Variants in AMBRA1 observed in about 807,000 individuals in gnomAD.
AMBRA1 encodes the protein autophagy and beclin 1 regulator 1, also known as activating molecule in BECN1-regulated autophagy protein 1.
A neutral mutation model predicts 125.4 loss-of-function variants in AMBRA1; 47 were observed. The observed-to-expected ratio is 0.37, with a 90% CI of 0.30 to 0.48. The LOEUF is 0.48. Ranked by LOEUF, AMBRA1 falls within the 20% of genes least tolerant of loss-of-function variation. AMBRA1 has a pLI of 0.99. For synonymous variants in AMBRA1, 626 were observed against 655.5 expected (o/e 0.95, Z 0.69); for missense variants, 1,331 against 1,693.4 (o/e 0.79, Z 3.76).
intron 1 of AMBRA1, among the ~76,000 whole-genome samples, chr11:46,567,264 G>A (rs1432147200): frequency 6.6e-6 from 1 of 152,136 alleles, no homozygotes. Context: ...TAGAAACGTG[G>A]TTTCACCATT....
rs1321007716 is a variant in AMBRA1, at chr11:46,448,679, A to G, written c.2522-5081T>C. 2.6e-5 allele frequency among the ~76,000 whole-genome samples: 4 copies of G among 152,292 alleles called. No homozygotes were observed. The East Asian group carries it at 7.7e-4, about 29-fold the overall frequency. ...TAAAACCAAAAACTTTGAAAGATCA[A>G]TAAACAATAAACATCTAGGTAGGCC... is the stretch of plus-strand genomic sequence containing the variant. On this transcript the variant is annotated intron_variant, in intron 11 of 17. Transcript: ENST00000683756.
At chr11:46,447,708 GTAGATAGA>G (rs59044666) in intron 11 of AMBRA1, among the ~76,000 whole-genome samples, 21,064 of 138,408 alleles carry the variant, frequency 0.15, 2,089 homozygotes, top group African/African-American at 0.26. Flanking sequence ...AGACCATCTT[GTAGATAGA>G]TAGATAGATA....
intron 1 of AMBRA1, among the ~76,000 whole-genome samples, chr11:46,584,430 G>A (rs1457168606): frequency 2.7e-5 from 4 of 148,936 alleles, no homozygotes; most frequent in Non-Finnish European, 3.0e-5. Flanking sequence ...GCTAAATGAC[G>A]AGTTAGTGGG....
At chr11:46,478,895 C>T (rs1949941058) in intron 11 of AMBRA1, among the ~76,000 whole-genome samples, 1 of 152,034 alleles carries the variant, frequency 6.6e-6, no homozygotes, top group Admixed American at 6.6e-5. Context: ...TATGTAAGGA[C>T]ACTTTTAAAA....
Position 46,424,751 on chromosome 11 carries a change from G to T in AMBRA1, c.2977-6699C>A, listed in dbSNP as rs557025149. 9.2e-5 allele frequency among the ~76,000 whole-genome samples: 14 copies of T among 152,060 alleles called. No individual in the cohort carries two copies. The South Asian group carries it at 2.7e-3, about 29-fold the overall frequency. Reference sequence around the variant, plus strand: ...GCTACTTGGGAGGCTGAGGTGGGAGGATTGCTTGAGCCCAGTTATTAAAAT... The same window carrying T: ...GCTACTTGGGAGGCTGAGGTGGGAGTATTGCTTGAGCCCAGTTATTAAAAT... On this transcript the variant is annotated intron_variant, in intron 14 of 17. Transcript: ENST00000683756.
chr11:46,499,747 C>T (rs1433060826), intron 9 of AMBRA1, among the ~76,000 whole-genome samples: 1 of 152,056 alleles, frequency 6.6e-6, no homozygotes. Flanking sequence ...ACCTCCGCCT[C>T]CTGTGTTCAA....
intron 15 of AMBRA1, among the ~76,000 whole-genome samples, chr11:46,410,883 A>T (rs1301913800): frequency 1.3e-5 from 2 of 152,224 alleles, no homozygotes; most frequent in Non-Finnish European, 2.9e-5. Flanking sequence ...CGGGCAGATC[A>T]CAAGGTCACA....
intron 17 of AMBRA1, among the ~76,000 whole-genome samples, chr11:46,404,027 C>T (rs879309182): frequency 3.3e-5 from 5 of 152,224 alleles, no homozygotes; most frequent in Middle Eastern, 6.8e-3. Context: ...TGGTGAAACC[C>T]TGTCTCTACA....
chr11:46,550,118 CGACACTA>C lies in AMBRA1; in HGVS notation c.-120-1625_-120-1619del, dbSNP rs2042947268. On this transcript the variant is annotated intron_variant, in intron 1 of 17. Coordinates refer to ENST00000683756, the MANE Select transcript of AMBRA1 (RefSeq NM_001387011.1). ...ACAGGTGTGAGCTACTGCACCCAGC[CGACACTA>C]GCTTTTCTAAAAGATCAGGAGAGTT... 2.0e-5 allele frequency among the ~76,000 whole-genome samples: 3 copies of C among 152,244 alleles called. No homozygotes were observed. The South Asian group carries it at 6.2e-4, about 32-fold the overall frequency.
intron 11 of AMBRA1, among the ~76,000 whole-genome samples, chr11:46,454,229 G>T (rs1289807161): frequency 6.6e-6 from 1 of 151,750 alleles, no homozygotes; most frequent in Non-Finnish European, 1.5e-5. Flanking sequence ...GGGTCTTGCT[G>T]TGTTGCCCTA....
In AMBRA1 at chr11:46,543,051, G is replaced by A; in HGVS notation, c.966C>T (p.Leu322=). 1 of 1,598,942 alleles carries A rather than the reference G, an allele frequency of 6.3e-7. No individual in the cohort carries two copies. Residue 322 remains leucine (L), a synonymous_variant, in exon 7 of 18, where the codon CTC becomes CTT. Coordinates refer to ENST00000683756, the MANE Select transcript of AMBRA1 (RefSeq NM_001387011.1). ...GGGGGACACTGTCCTGGTGTGGCAA[G>A]AGGGAAGGAACTCGAGTGCCAGAGC... ...SRCSGTRVPS[L]LPHQDSVPPA...
Position 46,542,686 on chromosome 11 carries a change from G to A in AMBRA1, c.1331C>T (p.Ser444Leu), listed in dbSNP as rs139222125. 4.4e-5 allele frequency: 71 copies of A among 1,614,150 alleles called. No homozygotes were observed. In the Admixed American group the frequency reaches 4.7e-4, roughly 11 times the overall value. Residue 444 changes from serine (S) to leucine (L), a missense_variant, in exon 7 of 18, where the codon TCG becomes TTG. Transcript: ENST00000683756. This position sits in a 1 kb window ranked among gnomAD's most constrained non-coding sequence, Gnocchi z 5.9. ...TCTCAGCACAGACAGCAAACTCACC[G>A]AAGAGGCACTGGTTCTGGGCGGGGG... ...SMPPPRTSASSVSLLSVLRQQ... is the reference protein window; with the variant it reads ...SMPPPRTSASLVSLLSVLRQQ...
intron 11 of AMBRA1, among the ~76,000 whole-genome samples, chr11:46,478,656 T>C (rs1440785295): frequency 4.5e-5 from 6 of 133,712 alleles, no homozygotes; most frequent in Admixed American, 3.0e-4. Flanking sequence ...CTCTTTTTTT[T>C]TTTTTTTTTT....
intron 1 of AMBRA1, among the ~76,000 whole-genome samples, chr11:46,575,352 G>A (rs2043919968): frequency 6.6e-6 from 1 of 151,554 alleles, no homozygotes; most frequent in Non-Finnish European, 1.5e-5. Flanking sequence ...AACTACTCAG[G>A]AGTCTGAGGC....
At chr11:46,524,113 C>G (rs1951871241) in intron 7 of AMBRA1, among the ~76,000 whole-genome samples, 1 of 152,208 alleles carries the variant, frequency 6.6e-6, no homozygotes, top group South Asian at 2.1e-4. Flanking sequence ...GGTGATCCGC[C>G]CACCTCGGCC....
At chr11:46,453,101 T>C (rs1457592996) in intron 11 of AMBRA1, among the ~76,000 whole-genome samples, 2 of 152,194 alleles carry the variant, frequency 1.3e-5, no homozygotes, top group African/African-American at 4.8e-5. Context: ...CCTTTTACTC[T>C]GTCCCACTCC....
chr11:46,397,591 G>C lies in AMBRA1; in HGVS notation c.3756C>G (p.Ser1252=). ...GAAGGGAAACAGGAATGGGGACAGG[G>C]GAGGAAGAGGGCAGGGTTGGCTGGG... is the stretch of plus-strand genomic sequence containing the variant. The part of the protein sequence containing the change: ...EPTQPTLPSS[S]PVPIPVSLPS... Residue 1252 remains serine (S), a synonymous_variant, in exon 18 of 18, where the codon TCC becomes TCG. Coordinates refer to ENST00000683756, the MANE Select transcript of AMBRA1 (RefSeq NM_001387011.1). The C allele has an allele frequency of 6.2e-7, 1 of 1,602,712 alleles. No individual in the cohort carries two copies. The highest frequency in any genetic ancestry group is 8.5e-7 in the Non-Finnish European group (1 of 1,173,408).
intron 1 of AMBRA1, among the ~76,000 whole-genome samples, chr11:46,559,413 G>A (rs2043259059): frequency 1.3e-5 from 2 of 152,180 alleles, no homozygotes; most frequent in African/African-American, 4.8e-5. Context: ...GGCCAGGCAA[G>A]AGAGTAAGCA....
chr11:46,494,092 G>A (rs776422991), intron 10 of AMBRA1, 32 bp downstream of exon 10: 7 of 1,572,716 alleles, frequency 4.5e-6, no homozygotes, highest in Non-Finnish European at 5.2e-6. Context: ...TCTAACGAAG[G>A]CTCCCTCTGT....
Sources: allele counts gnomAD v4.1 joint callset (sites outside exome capture counted in the v4.1 genomes callset), GRCh38; gene constraint gnomAD v4.1.1; non-coding constraint Gnocchi (gnomAD v3.1); transcripts MANE v1.5; gene names NCBI Gene and HGNC (gene_info 2026-07-23, HGNC 2026-07-21).